The following ATG4C variants were observed in gnomAD, a reference collection of about 807,000 sequenced individuals.
ATG4C encodes the protein cysteine protease ATG4C.
In ATG4C, 56 loss-of-function variants were observed where a neutral mutation model predicts 57.6. The observed-to-expected ratio is 0.97, with a 90% confidence interval of 0.78 to 1.21. ATG4C has a LOEUF of 1.21. ATG4C is among the 50% of genes most tolerant of loss of function. The pLI, the probability that ATG4C is intolerant of heterozygous loss-of-function variation, is 0.00. For missense variants in ATG4C, 595 were observed against 529.8 expected, an observed-to-expected ratio of 1.12 and a Z score of -1.21; for synonymous variants, 157 against 174.1, an observed-to-expected ratio of 0.90 and a Z score of 0.78.
At chr1:62,796,256 G>T (rs1461941178) in intron 1 of ATG4C, among the ~76,000 whole-genome samples, 1 of 98,124 alleles carries the variant, frequency 1.0e-5, no homozygotes, top group Admixed American at 1.3e-4. Context: ...TAAAGGTACT[G>T]TTTGTCTTGC....
intron 7 of ATG4C, among the ~76,000 whole-genome samples, chr1:62,832,033 A>T (rs1180061050): frequency 6.6e-6 from 1 of 152,212 alleles, no homozygotes; most frequent in East Asian, 1.9e-4. Context: ...ACTGCCTCGA[A>T]GTAAGGCACT....
chr1:62,803,821 T>C lies in ATG4C; in HGVS notation c.35T>C (p.Leu12Pro), dbSNP rs772131792. ...EATGTDEVDK[L>P]KTKFISAWNN... ...ACAGGAACAGATGAAGTTGACAAGC[T>C]AAAAACCAAATTTATATCTGCTTGG... is the stretch of plus-strand genomic sequence containing the variant. Residue 12 changes from leucine (L) to proline (P), a missense_variant, in exon 2 of 11, where the codon CTA (leucine) becomes CCA (proline). Transcript: ENST00000317868. 1.0e-5 allele frequency: 16 copies of C among 1,606,280 alleles called. No individual in the cohort carries two copies. Among genetic ancestry groups the C allele is most frequent in the African/African-American group, 1.3e-5 (1 of 74,376 alleles).
At chr1:62,809,653 A>G (rs1452075932) in intron 3 of ATG4C, among the ~76,000 whole-genome samples, 1 of 148,330 alleles carries the variant, frequency 6.7e-6, no homozygotes, top group Non-Finnish European at 1.5e-5. Flanking sequence ...ATGTATATAT[A>G]TGTGCATGTG....
At chr1:62,831,665 C>T (rs1665844230) in intron 7 of ATG4C, among the ~76,000 whole-genome samples, 1 of 152,010 alleles carries the variant, frequency 6.6e-6, no homozygotes, top group Non-Finnish European at 1.5e-5. Flanking sequence ...TTATTTATTG[C>T]TTCATGGATA....
At chr1:62,836,564 C>A (rs1448777979) in intron 9 of ATG4C, among the ~76,000 whole-genome samples, 1 of 151,968 alleles carries the variant, frequency 6.6e-6, no homozygotes, top group African/African-American at 2.4e-5. Context: ...TTTTTATCAT[C>A]TTTTAAGTTT....
chr1:62,788,729 C>G (rs1664167926), intron 1 of ATG4C, among the ~76,000 whole-genome samples: 1 of 152,006 alleles, frequency 6.6e-6, no homozygotes, highest in African/African-American at 2.4e-5. Context: ...GTATTTAGTA[C>G]TTATATGTCT....
chr1:62,865,220 CAAAT>C lies in ATG4C; in HGVS notation c.*1062_*1065del. ...CCTTTCATTTGAAAAATCAGTGTCTCAAATGAATTCTGTTCATTTATAATAAATG... is the reference window on the plus strand; with the variant it reads ...CCTTTCATTTGAAAAATCAGTGTCTCGAATTCTGTTCATTTATAATAAATG... On this transcript the variant is annotated 3_prime_UTR_variant, in exon 11 of 11. Coordinates refer to ENST00000317868, the MANE Select transcript of ATG4C (RefSeq NM_032852.4). 1 of 151,902 alleles carries C rather than the reference CAAAT, an allele frequency of 6.6e-6. No individual in the cohort carries two copies. Among genetic ancestry groups the C allele is most frequent in the Non-Finnish European group, 1.5e-5 (1 of 67,838 alleles). 9.4% of individuals were successfully genotyped at this position (151,902 alleles called of 1,614,324 possible). A position where few individuals can be genotyped will look rare whatever the true frequency, so the allele number is the denominator to read the frequency against.
intron 9 of ATG4C, among the ~76,000 whole-genome samples, chr1:62,839,908 G>GAA (rs144598012): frequency 3.3e-5 from 5 of 151,548 alleles, no homozygotes; most frequent in Non-Finnish European, 7.4e-5. Flanking sequence ...CTTTTCATTG[G>GAA]AAAAAAAAGC....
intron 3 of ATG4C, among the ~76,000 whole-genome samples, chr1:62,808,689 A>G (rs1338383461): frequency 6.6e-6 from 1 of 152,190 alleles, no homozygotes; most frequent in Non-Finnish European, 1.5e-5. Context: ...AAAGAGATAG[A>G]GCAGGAAATA....
chr1:62,804,118 G>A (rs1045482153), intron 2 of ATG4C, among the ~76,000 whole-genome samples: 5 of 145,158 alleles, frequency 3.4e-5, no homozygotes, highest in South Asian at 2.2e-4. Context: ...ACTTAGTCTC[G>A]CTCTGTCACA....
intron 7 of ATG4C, among the ~76,000 whole-genome samples, chr1:62,830,303 C>A (rs1198276918): frequency 6.6e-6 from 1 of 152,082 alleles, no homozygotes; most frequent in Non-Finnish European, 1.5e-5. Flanking sequence ...TGAACCACTT[C>A]ATCTAGAGAA....
rs74261206 is a variant in ATG4C, at chr1:62,805,152, CTTT to C, written c.77-8_77-6del. 3.8e-4 allele frequency: 519 copies of C among 1,363,466 alleles called. No homozygotes were observed. Among genetic ancestry groups the C allele is most frequent in the South Asian group, 1.5e-3 (96 of 63,370 alleles). 84.5% of individuals were successfully genotyped at this position (1,363,466 alleles called of 1,614,324 possible). A position where few individuals can be genotyped will look rare whatever the true frequency, so the allele number is the denominator to read the frequency against. On this transcript the variant is annotated splice_polypyrimidine_tract_variant and intron_variant, in intron 2 of 10. Transcript: ENST00000317868. ...TTTTAATTACAAAACGTTTTCTTTT[CTTT>C]TTTTTTTTTTTGCTAGGTTGGGTGT...
intron 3 of ATG4C, among the ~76,000 whole-genome samples, chr1:62,808,846 A>G (rs1238114196): frequency 1.3e-5 from 2 of 152,186 alleles, no homozygotes; most frequent in Admixed American, 6.5e-5. Context: ...GATATGTGCT[A>G]TTTGCTGTGG....
Position 62,819,236 on chromosome 1 carries a change from T to TG in ATG4C, c.628dup (p.Ala210GlyfsTer37), listed in dbSNP as rs1177321164. The TG allele has an allele frequency of 1.2e-6, 2 of 1,613,616 alleles. No individual in the cohort carries two copies. The highest frequency in any genetic ancestry group is 1.7e-6 in the Non-Finnish European group (2 of 1,179,708). ...ATCTCTTGGTTTGGTGATTCCCCCT[T>TG]GGCTCTTTTTGGCTTACATCAACTA... On this transcript the variant is annotated frameshift_variant, in exon 5 of 11. Coordinates refer to ENST00000317868, the MANE Select transcript of ATG4C (RefSeq NM_032852.4). LOFTEE classifies it high-confidence loss of function.
chr1:62,794,537 C>T (rs1321328317), intron 1 of ATG4C, among the ~76,000 whole-genome samples: 3 of 152,130 alleles, frequency 2.0e-5, no homozygotes, highest in Non-Finnish European at 2.9e-5. Context: ...TTTTCAAAGC[C>T]ATTTTCTGAA....
intron 3 of ATG4C, among the ~76,000 whole-genome samples, chr1:62,815,358 C>G (rs968764883): frequency 4.0e-5 from 6 of 151,894 alleles, no homozygotes; most frequent in African/African-American, 1.5e-4. Flanking sequence ...AGTGATATAC[C>G]AAGAGCCTTA....
intron 7 of ATG4C, among the ~76,000 whole-genome samples, chr1:62,833,262 G>A (rs773244211): frequency 6.6e-6 from 1 of 151,974 alleles, no homozygotes; most frequent in Non-Finnish European, 1.5e-5. Context: ...TGTTTTATAG[G>A]ATATATCAAA....
At chr1:62,834,619 T>C (rs1276003033) in intron 8 of ATG4C, among the ~76,000 whole-genome samples, 157 bp from the exon 9 acceptor site, 1 of 152,082 alleles carries the variant, frequency 6.6e-6, no homozygotes, top group African/African-American at 2.4e-5. Context: ...CAAAAGTTAA[T>C]CTATCCTGTG....
intron 6 of ATG4C, among the ~76,000 whole-genome samples, chr1:62,825,231 G>A (rs1419595279): frequency 4.5e-5 from 4 of 88,808 alleles, no homozygotes; most frequent in Non-Finnish European, 6.5e-5. Flanking sequence ...GGGAGACTCC[G>A]TCTAAAAAAA....
Sources: allele counts gnomAD v4.1 joint callset (sites outside exome capture counted in the v4.1 genomes callset), GRCh38; gene constraint gnomAD v4.1.1; transcripts MANE v1.5; gene names NCBI Gene and HGNC (gene_info 2026-07-23, HGNC 2026-07-21).